The following CSMD1 variants were observed in gnomAD, a reference collection of about 807,000 sequenced individuals.
CSMD1 encodes the protein CUB and sushi domain-containing protein 1.
In CSMD1, 213 loss-of-function variants were observed where a neutral mutation model predicts 417.5. That is an observed-to-expected ratio of 0.51 (90% CI 0.46 to 0.57). The LOEUF is 0.57. CSMD1 is among the 20% of genes least tolerant of loss of function. The pLI is 0.00. For missense variants in CSMD1, 6,923 were observed against 4,529.7 expected (o/e 1.53, Z -15.17); for synonymous variants, 2,862 against 1,736.8 (o/e 1.65, Z -16.11).
chr8:4,062,126 G>A (rs752710481), intron 3 of CSMD1, among the ~76,000 whole-genome samples: 2 of 152,056 alleles, frequency 1.3e-5, no homozygotes, highest in Non-Finnish European at 2.9e-5. Flanking sequence ...TCAGCAGAGG[G>A]TCAGTGGAGG....
intron 1 of CSMD1, among the ~76,000 whole-genome samples, chr8:4,917,176 A>G (rs1375880516): frequency 6.6e-6 from 1 of 152,200 alleles, no homozygotes; most frequent in African/African-American, 2.4e-5. Context: ...CAGGAGGAAG[A>G]CAGAGAGAAG....
intron 5 of CSMD1, among the ~76,000 whole-genome samples, chr8:3,920,610 G>A (rs2688298): frequency 0.11 from 17,290 of 152,012 alleles, 1,093 homozygotes; most frequent in African/African-American, 0.18. Context: ...TTAGTTATGG[G>A]CTTGTCATAT....
chr8:3,151,567 C>G, intron 39 of CSMD1, 54 bp from the exon 40 acceptor site: 2 of 1,178,538 alleles, frequency 1.7e-6, no homozygotes, highest in Non-Finnish European at 2.5e-6. Flanking sequence ...TCCCTGGAAT[C>G]TTTGCTCCAA....
chr8:4,190,907 A>G (rs767140694), intron 3 of CSMD1, among the ~76,000 whole-genome samples: 5 of 147,264 alleles, frequency 3.4e-5, no homozygotes, highest in South Asian at 2.3e-4. Context: ...GTGAGAACAC[A>G]TGGGTACACA....
chr8:3,859,526 G>T (rs907516869), intron 5 of CSMD1, among the ~76,000 whole-genome samples: 6 of 152,200 alleles, frequency 3.9e-5, no homozygotes, highest in Non-Finnish European at 8.8e-5. Flanking sequence ...GCTGGCCACA[G>T]TTGGATTTCA....
chr8:3,811,763 T>C (rs1445182128), intron 5 of CSMD1, among the ~76,000 whole-genome samples: 2 of 152,160 alleles, frequency 1.3e-5, no homozygotes, highest in Admixed American at 6.6e-5. Context: ...CCATGGACAA[T>C]AGCTGAGTGA....
At chr8:3,316,825 G>A (rs1489915646) in intron 23 of CSMD1, among the ~76,000 whole-genome samples, 2 of 152,134 alleles carry the variant, frequency 1.3e-5, no homozygotes, top group Non-Finnish European at 2.9e-5. Flanking sequence ...AGACTGCACA[G>A]GAAACTGACA....
At chr8:3,241,231 T>A (rs538341104) in intron 26 of CSMD1, among the ~76,000 whole-genome samples, 4 of 150,894 alleles carry the variant, frequency 2.7e-5, no homozygotes, top group East Asian at 3.9e-4. Flanking sequence ...AAAGGAGTGC[T>A]TAAAAGAGTA....
At chr8:3,278,224 C>A (rs1048294928) in intron 26 of CSMD1, 1 of 152,142 alleles carries the variant, frequency 6.6e-6, no homozygotes, top group African/African-American at 2.4e-5. Context: ...GTTTAAAAAG[C>A]TCCAATGTAA....
chr8:3,256,101 A>C (rs116853560), intron 26 of CSMD1, among the ~76,000 whole-genome samples: 13,339 of 151,898 alleles, frequency 0.088, 797 homozygotes, highest in Non-Finnish European at 0.13. Context: ...GCTGAGGCAG[A>C]CCAATCACCT....
intron 3 of CSMD1, among the ~76,000 whole-genome samples, chr8:4,415,778 T>C (rs897760664): frequency 4.3e-4 from 66 of 152,206 alleles, no homozygotes; most frequent in African/African-American, 1.5e-3. Flanking sequence ...TGGATAGCAA[T>C]GTGTATGAGC....
intron 5 of CSMD1, among the ~76,000 whole-genome samples, chr8:3,942,386 C>A (rs927768792): frequency 3.9e-5 from 6 of 152,038 alleles, no homozygotes; most frequent in East Asian, 1.9e-4. Flanking sequence ...ACCCAAGCAC[C>A]TTTTCTCAAA....
chr8:4,010,931 C>T (rs1816490967), intron 4 of CSMD1, among the ~76,000 whole-genome samples: 1 of 152,122 alleles, frequency 6.6e-6, no homozygotes, highest in Non-Finnish European at 1.5e-5. Flanking sequence ...CATAATCCTA[C>T]ATTGGCCCAT....
chr8:3,983,363 C>T (rs1344239120), intron 5 of CSMD1, among the ~76,000 whole-genome samples: 4 of 152,044 alleles, frequency 2.6e-5, no homozygotes. Flanking sequence ...ATCTCCTGAC[C>T]TCGTGATCCC....
chr8:3,308,371 G>A lies in CSMD1; in HGVS notation c.3764C>T (p.Thr1255Ile), dbSNP rs748026525. The change falls in exon 24 of 70, where the codon ACC becomes ATC. Residue 1255 changes from threonine (T) to isoleucine (I), a missense_variant. Coordinates refer to ENST00000635120, the MANE Select transcript of CSMD1 (RefSeq NM_033225.6). ...CCTGTCTCCACTCAAACAGGTCAGGGTGTTGCTGCCATGCATGGCGTACCC... is the reference window on the plus strand; with the variant it reads ...CCTGTCTCCACTCAAACAGGTCAGGATGTTGCTGCCATGCATGGCGTACCC... ...NPGYAMHGSN[T>I]LTCLSGDRRV... 4 of 1,613,810 alleles carry A rather than the reference G, an allele frequency of 2.5e-6. No homozygotes were observed. The highest frequency in any genetic ancestry group is 3.4e-6 in the Non-Finnish European group (4 of 1,179,794).
At chr8:4,937,328 G>A (rs1479086103) in intron 1 of CSMD1, among the ~76,000 whole-genome samples, 1 of 152,170 alleles carries the variant, frequency 6.6e-6, no homozygotes, top group Non-Finnish European at 1.5e-5. Flanking sequence ...ACTTTCCACT[G>A]TTTGTTTTTG....
At position 4,182,226 on chromosome 8, in the gene CSMD1, T is replaced by C. The variant is rs186667274; in HGVS notation, c.416-150127A>G. Reference sequence around the variant, plus strand: ...TCATTCTCAGTTTACTTTAAACTTATGATACATAAGAAAAAAACGGAATAT... The same window carrying C: ...TCATTCTCAGTTTACTTTAAACTTACGATACATAAGAAAAAAACGGAATAT... On this transcript the variant is annotated intron_variant, in intron 3 of 69. Coordinates refer to ENST00000635120, the MANE Select transcript of CSMD1 (RefSeq NM_033225.6). Among the ~76,000 whole-genome samples the C allele has an allele frequency of 3.1e-3, 475 of 152,258 alleles. 2 individuals carry two copies. Among genetic ancestry groups the C allele is most frequent in the African/African-American group, 0.011 (457 of 41,554 alleles).
intron 36 of CSMD1, among the ~76,000 whole-genome samples, chr8:3,186,070 T>C (rs918175014): frequency 6.6e-6 from 1 of 152,094 alleles, no homozygotes; most frequent in Non-Finnish European, 1.5e-5. Context: ...TTTTCCCTCC[T>C]GTAACACCCA....
intron 5 of CSMD1, among the ~76,000 whole-genome samples, chr8:3,773,034 C>T (rs898865220): frequency 6.6e-6 from 1 of 152,130 alleles, no homozygotes; most frequent in African/African-American, 2.4e-5. Context: ...TGTACCTTCC[C>T]ATGACAGAAG....
Sources: gnomAD v4.1 joint callset for allele counts (sites outside exome capture counted in the v4.1 genomes callset) on GRCh38, gnomAD v4.1.1 for gene constraint, MANE v1.5 for transcripts, NCBI Gene and HGNC (gene_info 2026-07-23, HGNC 2026-07-21) for gene names.